The following CHST10 variants were observed in gnomAD, a reference collection of about 807,000 sequenced individuals.
CHST10 encodes carbohydrate sulfotransferase 10, also known as HNK-1 sulfotransferase.
In CHST10, 24 loss-of-function variants were observed where a neutral mutation model predicts 34.7. The observed-to-expected ratio is 0.69, with a 90% CI of 0.50 to 0.97. CHST10 has a LOEUF of 0.97. Among genes scored for constraint, CHST10 ranks in the 50% least tolerant of loss-of-function variants. The pLI is 0.00. For missense variants in CHST10, 402 were observed against 452.1 expected (o/e 0.89, Z 1.00); for synonymous variants, 161 against 169.3 (o/e 0.95, Z 0.38).
intron 2 of CHST10, among the ~76,000 whole-genome samples, chr2:100,414,662 T>C (rs1675989446): frequency 6.6e-6 from 1 of 152,232 alleles, no homozygotes; most frequent in Admixed American, 6.5e-5. Context: ...ATTTCCTTTG[T>C]CTTCTCTGTT....
chr2:100,401,189 T>C (rs923861378), intron 4 of CHST10, among the ~76,000 whole-genome samples: 25 of 152,272 alleles, frequency 1.6e-4, no homozygotes, highest in Admixed American at 1.6e-3. Flanking sequence ...CAGAGGACAC[T>C]GAGTTCAAAG....
At chr2:100,396,388 G>A (rs62148361) in intron 5 of CHST10, among the ~76,000 whole-genome samples, 7 of 152,168 alleles carry the variant, frequency 4.6e-5, no homozygotes, top group African/African-American at 1.4e-4. Flanking sequence ...TCTCAATACA[G>A]ACAAATGGAA....
At chr2:100,414,462 G>A (rs1036188879) in intron 2 of CHST10, among the ~76,000 whole-genome samples, 1 of 152,160 alleles carries the variant, frequency 6.6e-6, no homozygotes, top group African/African-American at 2.4e-5. Flanking sequence ...CAGGGCTGCA[G>A]AAACGGGGAC....
chr2:100,413,820 G>A (rs192063709), intron 2 of CHST10, among the ~76,000 whole-genome samples: 17 of 152,042 alleles, frequency 1.1e-4, no homozygotes, highest in African/African-American at 3.1e-4. Context: ...TTTAATATGC[G>A]CATTCACTTA....
chr2:100,395,806 G>C (rs1675032167), intron 5 of CHST10, among the ~76,000 whole-genome samples, 192 bp from the exon 6 acceptor site: 2 of 152,194 alleles, frequency 1.3e-5, no homozygotes. Context: ...GTGAAGAAAA[G>C]CTTCTGGGAA....
Position 100,393,273 on chromosome 2 carries a change from T to C in CHST10, c.1043A>G (p.Tyr348Cys), listed in dbSNP as rs1299729126. Residue 348 changes from tyrosine to cysteine, a missense_variant, in exon 7 of 7, where the codon TAC becomes TGC. Coordinates refer to ENST00000264249, the MANE Select transcript of CHST10 (RefSeq NM_004854.5). ...GTTTAGCAAAAAGTCTGGTTTCTGG[T>C]ACCCAAAGAGCTTAAAGTCCCCTTC... is the stretch of plus-strand genomic sequence containing the variant. ...RFEGDFKLFG[Y>C]QKPDFLLN 2 of 1,614,040 alleles carry C rather than the reference T, an allele frequency of 1.2e-6. No individual in the cohort carries two copies. Among genetic ancestry groups the C allele is most frequent in the Non-Finnish European group, 1.7e-6 (2 of 1,180,030 alleles).
Position 100,417,397 on chromosome 2 carries a change from G to C in CHST10, c.-127C>G. On this transcript the variant is annotated 5_prime_UTR_variant, in exon 1 of 7. Transcript: ENST00000264249. ...ACCCTACTGGAGCGGCGCTCGTCCG[G>C]GTCCTTAGGCTCCTCCCCTGGCCCT... 3.5e-6 allele frequency: 1 copy of C among 289,394 alleles called. No homozygotes were observed. The highest frequency in any genetic ancestry group is 6.9e-6 in the Non-Finnish European group (1 of 145,928). The allele number at this position is 289,394 out of a possible 1,614,324, so 17.9% of individuals were successfully genotyped here.
At chr2:100,401,807 T>G (rs770388961) in intron 4 of CHST10, among the ~76,000 whole-genome samples, 1 of 152,180 alleles carries the variant, frequency 6.6e-6, no homozygotes. Context: ...TTATCATCCT[T>G]ACACTGTGAC....
chr2:100,393,281 G>C lies in CHST10; in HGVS notation c.1035C>G (p.Leu345=), dbSNP rs1386818063. ...LYARFEGDFK[L]FGYQKPDFLL... The stretch of plus-strand genomic sequence containing the variant: ...AAAAGTCTGGTTTCTGGTACCCAAA[G>C]AGCTTAAAGTCCCCTTCGAAACGGG... Residue 345 remains leucine (L), a synonymous_variant, in exon 7 of 7, where the codon CTC becomes CTG. Transcript: ENST00000264249. The C allele has an allele frequency of 1.9e-6, 3 of 1,614,048 alleles. No individual in the cohort carries two copies. The Admixed American group carries it at 5.0e-5, about 27-fold the overall frequency.
intron 6 of CHST10, among the ~76,000 whole-genome samples, chr2:100,395,038 G>T (rs113317810): frequency 6.6e-6 from 1 of 152,102 alleles, no homozygotes; most frequent in East Asian, 1.9e-4. Context: ...TCCTTGCTGC[G>T]ATCAGGGGTT....
chr2:100,415,124 A>AT lies in CHST10; in HGVS notation c.-103-14dup. 3 of 1,276,168 alleles carry AT rather than the reference A, an allele frequency of 2.4e-6. No homozygotes were observed. Among genetic ancestry groups the AT allele is most frequent in the Non-Finnish European group, 3.1e-6 (3 of 972,334 alleles). The allele number at this position is 1,276,168 out of a possible 1,614,324, so 79.1% of individuals were successfully genotyped here. On this transcript the variant is annotated splice_polypyrimidine_tract_variant and intron_variant, in intron 1 of 6. Transcript: ENST00000264249. ...GTTCCTCTTGTCACTGGATAGGAAAATTAAAAAAAAAAAAGCATTATTAAA... is the reference window on the plus strand; with the variant it reads ...GTTCCTCTTGTCACTGGATAGGAAAATTTAAAAAAAAAAAAGCATTATTAAA...
chr2:100,394,256 A>G (rs1159035644), intron 6 of CHST10, among the ~76,000 whole-genome samples: 2 of 150,496 alleles, frequency 1.3e-5, no homozygotes, highest in African/African-American at 5.0e-5. Context: ...GAAAACAGAG[A>G]GTCAGGCTTC....
chr2:100,399,574 G>A (rs946227173), intron 4 of CHST10, among the ~76,000 whole-genome samples: 5 of 152,184 alleles, frequency 3.3e-5, no homozygotes, highest in South Asian at 4.1e-4. Flanking sequence ...CCTCCCAGGG[G>A]ACAACGTCAG....
intron 2 of CHST10, among the ~76,000 whole-genome samples, chr2:100,410,447 G>C (rs541847246): frequency 6.6e-6 from 1 of 152,344 alleles, no homozygotes; most frequent in African/African-American, 2.4e-5. Flanking sequence ...CAGGACAGCA[G>C]GGACCAGCAC....
Position 100,393,031 on chromosome 2 carries a change from G to A in CHST10, c.*214C>T. On this transcript the variant is annotated 3_prime_UTR_variant, in exon 7 of 7. Coordinates refer to ENST00000264249, the MANE Select transcript of CHST10 (RefSeq NM_004854.5). Reference sequence around the variant, plus strand: ...CCAGCGACATCCTAATGCACGCAGGGGTGTGGGCAGGGTCCTCAGAGCATC... The same window carrying A: ...CCAGCGACATCCTAATGCACGCAGGAGTGTGGGCAGGGTCCTCAGAGCATC... 1.7e-6 allele frequency: 1 copy of A among 593,664 alleles called. No homozygotes were observed. The allele number at this position is 593,664 out of a possible 1,614,324, so 36.8% of individuals were successfully genotyped here.
intron 6 of CHST10, 81 bp from the exon 7 acceptor site, chr2:100,393,863 G>A (rs547871259): frequency 2.0e-5 from 23 of 1,159,138 alleles, no homozygotes; most frequent in Middle Eastern, 2.6e-4. Flanking sequence ...AAGAATGAGC[G>A]GAGTGCAGCA....
chr2:100,410,508 T>C (rs1675786947), intron 2 of CHST10, among the ~76,000 whole-genome samples: 1 of 152,160 alleles, frequency 6.6e-6, no homozygotes, highest in Non-Finnish European at 1.5e-5. Context: ...AATGACTGTG[T>C]CAATTGAGCA....
Position 100,402,650 on chromosome 2 carries a change from T to C in CHST10, c.106A>G (p.Ser36Gly), listed in dbSNP as rs968139298. 1.4e-5 allele frequency: 22 copies of C among 1,613,682 alleles called. No homozygotes were observed. The highest frequency in any genetic ancestry group is 1.7e-5 in the Non-Finnish European group (20 of 1,179,764). ...AGGAACAGAAACTCCTGTTTGGCAC[T>C]GTACACTGGAAGACAGAGAGGTTGA... ...TLTFKDPDVY[S>G]AKQEFLFLTT... The change falls in exon 4 of 7, where the codon AGT becomes GGT. Residue 36 changes from serine (S) to glycine (G), a missense_variant. Ser to Gly is a moderately conservative substitution (Grantham distance 56). Transcript: ENST00000264249.
At chr2:100,417,351 C>A (rs1054198594) in intron 1 of CHST10, 23 bp downstream of exon 1, 4 of 343,138 alleles carry the variant, frequency 1.2e-5, no homozygotes, top group African/African-American at 8.6e-5. Flanking sequence ...GAAACCCACC[C>A]GCCTGCGCGT....
Sources: gnomAD v4.1 joint callset for allele counts (sites outside exome capture counted in the v4.1 genomes callset) on GRCh38, gnomAD v4.1.1 for gene constraint, MANE v1.5 for transcripts, NCBI Gene and HGNC (gene_info 2026-07-23, HGNC 2026-07-21) for gene names.